SVEP1: variants seen among roughly 807,000 people sequenced by gnomAD.
SVEP1 encodes sushi, von Willebrand factor type A, EGF and pentraxin domain-containing protein 1.
A neutral mutation model predicts 367.3 loss-of-function variants in SVEP1; 164 were observed. The observed-to-expected ratio is 0.45, with a 90% CI of 0.39 to 0.51. The LOEUF (loss-of-function observed/expected upper bound fraction) is 0.51. Ranked by LOEUF, SVEP1 falls within the 20% of genes least tolerant of loss-of-function variation. SVEP1 has a pLI of 0.00. For synonymous variants in SVEP1, 1,666 were observed against 1,611.6 expected (o/e 1.03, Z -0.81); for missense variants, 4,117 against 4,425.3 (o/e 0.93, Z 1.98).
At chr9:110,389,494 TTGGGGGCTG>T in intron 41 of SVEP1, 21 bp downstream of exon 41, 1 of 1,610,280 alleles carries the variant, frequency 6.2e-7, no homozygotes, top group Admixed American at 1.7e-5. Context: ...CAGTGTCATT[TTGGGGGCTG>T]CTAAGTGTCA....
intron 1 of SVEP1, among the ~76,000 whole-genome samples, chr9:110,578,570 G>A (rs796950916): frequency 2.0e-5 from 3 of 152,102 alleles, no homozygotes; most frequent in African/African-American, 7.2e-5. Flanking sequence ...TAAAGGATTG[G>A]AGCAAAAATA....
At chr9:110,478,686 G>T (rs1829139160) in intron 13 of SVEP1, among the ~76,000 whole-genome samples, 1 of 152,094 alleles carries the variant, frequency 6.6e-6, no homozygotes, top group South Asian at 2.1e-4. Context: ...TTGGAATTTG[G>T]TTTTATTGAA....
chr9:110,497,034 C>CATTT (rs1829460895), intron 7 of SVEP1, 101 bp from the exon 8 acceptor site: 1 of 677,480 alleles, frequency 1.5e-6, no homozygotes, highest in African/African-American at 1.8e-5. Flanking sequence ...CACTGTGACA[C>CATTT]ATTTGTACAT....
At chr9:110,513,161 A>T in intron 4 of SVEP1, 56 bp from the exon 5 acceptor site, 1 of 1,476,858 alleles carries the variant, frequency 6.8e-7, no homozygotes, top group Non-Finnish European at 9.1e-7. Context: ...TCTATGACAT[A>T]TCCTTTTTTT....
At chr9:110,387,239 C>T (rs368624561) in intron 42 of SVEP1, 46 bp downstream of exon 42, 29 of 1,516,404 alleles carry the variant, frequency 1.9e-5, no homozygotes, top group South Asian at 1.2e-4. Context: ...GGAAGCTAAT[C>T]GTGAAACTGA....
At chr9:110,430,915 T>A (rs4978426) in intron 32 of SVEP1, among the ~76,000 whole-genome samples, 1 of 152,000 alleles carries the variant, frequency 6.6e-6, no homozygotes, top group African/African-American at 2.4e-5. Context: ...ATCTACAGAT[T>A]CAGGGTCGGT....
In SVEP1 at chr9:110,450,147, C is replaced by T. The variant is rs1205434503; in HGVS notation, c.4015G>A (p.Gly1339Ser). ...TCGACGTTCTTTCCACATCGGGTAC[C>T]CAAAAATCCAGGTGGGCATTTGCAC... ...FLCKCPPGFL[G>S]TRCGKNVDEC... The change falls in exon 24 of 48, where the codon GGT (glycine) becomes AGT (serine). Residue 1339 changes from glycine to serine, a missense_variant. Around this residue, in one of 4 missense-constraint regions of SVEP1, gnomAD observed 2,174 missense variants for 2,494.3 expected, o/e 0.87. Transcript: ENST00000374469. 1.2e-6 allele frequency: 2 copies of T among 1,613,928 alleles called. No homozygotes were observed. The highest frequency in any genetic ancestry group is 1.7e-6 in the Non-Finnish European group (2 of 1,179,852).
chr9:110,489,688 C>A lies in SVEP1; in HGVS notation c.1892G>T (p.Gly631Val). 1 of 1,613,306 alleles carries A rather than the reference C, an allele frequency of 6.2e-7. No homozygotes were observed. The highest frequency in any genetic ancestry group is 1.1e-5 in the South Asian group (1 of 90,994). The change falls in exon 9 of 48, where the codon GGC (glycine) becomes GTC (valine). Residue 631 changes from glycine to valine, a missense_variant. By Grantham distance (109) the Gly-to-Val change is moderately radical (BLOSUM62 -3). Around this residue, in one of 4 missense-constraint regions of SVEP1, gnomAD observed 2,174 missense variants for 2,494.3 expected, o/e 0.87. Coordinates refer to ENST00000374469, the MANE Select transcript of SVEP1 (RefSeq NM_153366.4). Reference protein sequence around the residue: ...AIVYTATDLSGNQASCIFHIK... With the variant: ...AIVYTATDLSVNQASCIFHIK... Reference sequence around the variant, plus strand: ...ATGGAAAATGCAGCTGGCCTGGTTGCCGGATAGGTCAGTTGCCGTGTATAC... The same window carrying A: ...ATGGAAAATGCAGCTGGCCTGGTTGACGGATAGGTCAGTTGCCGTGTATAC...
At chr9:110,483,504 T>G (rs554010954) in intron 10 of SVEP1, 82 bp downstream of exon 10, 8 of 865,382 alleles carry the variant, frequency 9.2e-6, no homozygotes, top group Non-Finnish European at 1.3e-5. Context: ...TTGCTTTTTC[T>G]CTTTTATCCC....
chr9:110,537,231 G>A (rs948615964), intron 3 of SVEP1, among the ~76,000 whole-genome samples: 1 of 151,834 alleles, frequency 6.6e-6, no homozygotes, highest in Non-Finnish European at 1.5e-5. Flanking sequence ...AAGGTTTTCA[G>A]CACTAAAATC....
chr9:110,501,484 A>G (rs1189989808), intron 6 of SVEP1, among the ~76,000 whole-genome samples: 1 of 150,454 alleles, frequency 6.6e-6, no homozygotes, highest in Admixed American at 6.8e-5. Context: ...CTCGTTGATT[A>G]GTAGATTCAT....
chr9:110,548,276 C>A (rs1467503409), intron 2 of SVEP1, among the ~76,000 whole-genome samples: 1 of 152,000 alleles, frequency 6.6e-6, no homozygotes, highest in Non-Finnish European at 1.5e-5. Flanking sequence ...ATAATAGTTT[C>A]CATTTTTAAA....
intron 47 of SVEP1, chr9:110,369,616 T>C (rs1827247417): frequency 9.0e-6 from 2 of 222,510 alleles, no homozygotes; most frequent in Admixed American, 5.7e-5. Context: ...CTTCACAAAT[T>C]TGTGTGTCAT....
In SVEP1 at chr9:110,411,194, T is replaced by G. The variant is rs376000908; in HGVS notation, c.6517A>C (p.Asn2173His). ...SFGAMVAYSC[N>H]KGFYIKGEKK... is the part of the protein sequence containing the mutation. Reference sequence around the variant, plus strand: ...TCCCCTTTGATGTAGAACCCCTTGTTGCAGCTGTAAGCCACCATGGCTCCA... The same window carrying G: ...TCCCCTTTGATGTAGAACCCCTTGTGGCAGCTGTAAGCCACCATGGCTCCA... The change falls in exon 37 of 48, where the codon AAC becomes CAC. Residue 2173 changes from asparagine (N) to histidine (H), a missense_variant. By Grantham distance (68) the Asn-to-His change is moderately conservative (BLOSUM62 1). Transcript: ENST00000374469. The G allele has an allele frequency of 6.2e-7, 1 of 1,613,934 alleles. No individual in the cohort carries two copies. The highest frequency in any genetic ancestry group is 8.5e-7 in the Non-Finnish European group (1 of 1,179,908).
At chr9:110,525,606 A>G (rs1403921202) in intron 3 of SVEP1, among the ~76,000 whole-genome samples, 3 of 152,156 alleles carry the variant, frequency 2.0e-5, no homozygotes, top group African/African-American at 7.2e-5. Flanking sequence ...AATTAAAATT[A>G]GCTAAGACAA....
At chr9:110,554,840 G>A (rs62571271) in intron 1 of SVEP1, among the ~76,000 whole-genome samples, 37,996 of 151,824 alleles carry the variant, frequency 0.25, 5,282 homozygotes, top group African/African-American at 0.37. Context: ...AGTGAAATAT[G>A]CATACACAAA....
chr9:110,512,874 A>C (rs751920094), intron 5 of SVEP1, 52 bp downstream of exon 5: 3 of 1,603,848 alleles, frequency 1.9e-6, no homozygotes, highest in Admixed American at 1.7e-5. Context: ...GTTTAAATCA[A>C]GGAAATCAGG....
intron 18 of SVEP1, among the ~76,000 whole-genome samples, chr9:110,463,010 T>C (rs1828881627): frequency 6.6e-6 from 1 of 152,110 alleles, no homozygotes; most frequent in Non-Finnish European, 1.5e-5. Context: ...AGATGATGTA[T>C]ATGTGCATAA....
chr9:110,390,117 A>G (rs1372045453), intron 40 of SVEP1, among the ~76,000 whole-genome samples: 4 of 106,400 alleles, frequency 3.8e-5, no homozygotes, highest in Middle Eastern at 4.6e-3. Flanking sequence ...AAGTATATAT[A>G]CATACATACT....
Sources: allele counts gnomAD v4.1 joint callset (sites outside exome capture counted in the v4.1 genomes callset), GRCh38; gene constraint gnomAD v4.1.1; regional missense constraint gnomAD v4.1.1; transcripts MANE v1.5; gene names NCBI Gene and HGNC (gene_info 2026-07-23, HGNC 2026-07-21).